Variants in COL25A1 observed in about 807,000 individuals in gnomAD.
The protein encoded by COL25A1 is collagen type XXV alpha 1 chain, also known as collagen alpha-1(XXV) chain.
A neutral mutation model predicts 128.4 loss-of-function variants in COL25A1; 103 were observed. That is an observed-to-expected ratio of 0.80 (90% CI 0.68 to 0.94). The LOEUF is 0.94. Ranked by LOEUF, COL25A1 falls within the 40% of genes least tolerant of loss-of-function variation. The pLI, the probability that COL25A1 is intolerant of heterozygous loss-of-function variation, is 0.00. For synonymous variants in COL25A1, 279 were observed against 277.2 expected (o/e 1.01, Z -0.06); for missense variants, 745 against 840.0 (o/e 0.89, Z 1.40).
At chr4:109,029,153 T>C (rs1421516605) in intron 5 of COL25A1, among the ~76,000 whole-genome samples, 2 of 152,114 alleles carry the variant, frequency 1.3e-5, no homozygotes, top group East Asian at 3.9e-4. Flanking sequence ...ACAAAAGATA[T>C]TATGGCATAA....
intron 5 of COL25A1, among the ~76,000 whole-genome samples, chr4:109,037,686 C>T (rs556128345): frequency 5.3e-5 from 8 of 152,322 alleles, no homozygotes; most frequent in African/African-American, 1.9e-4. Context: ...CAGCTTAGAG[C>T]TGGCCCACGT....
At chr4:108,861,021 G>A (rs775747300) in intron 22 of COL25A1, 50 bp from the exon 23 acceptor site, 2 of 1,500,736 alleles carry the variant, frequency 1.3e-6, no homozygotes, top group Non-Finnish European at 1.9e-6. Flanking sequence ...GGGGAATCTA[G>A]AAATCTCGTG....
At chr4:108,987,837 G>A (rs1048604156) in intron 6 of COL25A1, among the ~76,000 whole-genome samples, 1 of 152,154 alleles carries the variant, frequency 6.6e-6, no homozygotes, top group Non-Finnish European at 1.5e-5. Flanking sequence ...AATCTCTATA[G>A]CAATCATTGA....
intron 3 of COL25A1, among the ~76,000 whole-genome samples, chr4:109,099,679 A>T (rs978745093): frequency 1.3e-5 from 2 of 151,916 alleles, no homozygotes; most frequent in Non-Finnish European, 2.9e-5. Context: ...AGTCTTTTAC[A>T]TATCCCAAAA....
At chr4:108,841,872 C>A in intron 30 of COL25A1, 151 bp from the exon 31 acceptor site, 1 of 656,836 alleles carries the variant, frequency 1.5e-6, no homozygotes, top group South Asian at 2.0e-5. Context: ...TTATTTATTA[C>A]CCACCAAAAG....
rs376676009 is a variant in COL25A1 at position 109,284,756 on chromosome 4, G to A, written c.367+15827C>T. ...TATTCCAACAAATTCTGACAAGGCC[G>A]GATTTAGGTTTTATAAACACAGGTA... On this transcript the variant is annotated intron_variant, in intron 3 of 37. Coordinates refer to ENST00000399132, the MANE Select transcript of COL25A1 (RefSeq NM_198721.4). Among the ~76,000 whole-genome samples, 11 of 151,756 alleles carry A rather than the reference G, an allele frequency of 7.2e-5. 1 individual carries two copies. In the South Asian group the frequency reaches 8.3e-4, roughly 11 times the overall value.
chr4:109,182,947 C>A (rs1487353591), intron 3 of COL25A1, among the ~76,000 whole-genome samples: 2 of 152,086 alleles, frequency 1.3e-5, no homozygotes, highest in Non-Finnish European at 2.9e-5. Context: ...CACACACACA[C>A]ACAAAGAATC....
At chr4:109,049,452 G>T (rs1349581318) in intron 4 of COL25A1, among the ~76,000 whole-genome samples, 1 of 152,050 alleles carries the variant, frequency 6.6e-6, no homozygotes, top group African/African-American at 2.4e-5. Context: ...ATAGGGATTT[G>T]GCCTGAAAGC....
chr4:109,189,148 A>G (rs1445122291), intron 3 of COL25A1, among the ~76,000 whole-genome samples: 3 of 152,156 alleles, frequency 2.0e-5, no homozygotes, highest in African/African-American at 7.2e-5. Context: ...TTTAAATCAT[A>G]CTGGGTACCT....
intron 8 of COL25A1, among the ~76,000 whole-genome samples, chr4:108,943,868 A>C (rs6834193): frequency 0.039 from 5,851 of 151,590 alleles, 345 homozygotes; most frequent in African/African-American, 0.13. Context: ...TAAATAAAAT[A>C]AACAACAACC....
intron 5 of COL25A1, chr4:109,021,714 CA>C (rs1757781040): frequency 2.2e-6 from 1 of 453,016 alleles, no homozygotes; most frequent in African/African-American, 2.0e-5. Flanking sequence ...GAGATATCAC[CA>C]AATTCTTTTC....
At chr4:109,172,916 C>A (rs1304401602) in intron 3 of COL25A1, among the ~76,000 whole-genome samples, 4 of 152,152 alleles carry the variant, frequency 2.6e-5, no homozygotes, top group Non-Finnish European at 4.4e-5. Context: ...AGATGTTATA[C>A]AAATACTACT....
At chr4:109,214,155 C>A (rs1777802181) in intron 3 of COL25A1, among the ~76,000 whole-genome samples, 1 of 152,068 alleles carries the variant, frequency 6.6e-6, no homozygotes, top group East Asian at 1.9e-4. Context: ...ACTTCAGACT[C>A]ATAGGGCCTA....
At chr4:109,029,406 T>G (rs1274531157) in intron 5 of COL25A1, among the ~76,000 whole-genome samples, 2 of 152,166 alleles carry the variant, frequency 1.3e-5, no homozygotes, top group African/African-American at 4.8e-5. Flanking sequence ...TTCACCTCAC[T>G]TCCTCTCACC....
intron 3 of COL25A1, among the ~76,000 whole-genome samples, chr4:109,189,760 T>C (rs1435943076): frequency 6.6e-6 from 1 of 152,126 alleles, no homozygotes; most frequent in Non-Finnish European, 1.5e-5. Flanking sequence ...CAAGCACTTT[T>C]CCTGTATTTA....
In COL25A1 at chr4:109,302,204, C is replaced by A; in HGVS notation, c.-92G>T. On this transcript the variant is annotated 5_prime_UTR_variant, in exon 1 of 38. Transcript: ENST00000399132. Reference sequence around the variant, plus strand: ...CTCAGCGTCCAGACCCGCAGGCGTGCACCATCCCCGCTTTCTTCTCTCCTC... The same window carrying A: ...CTCAGCGTCCAGACCCGCAGGCGTGAACCATCCCCGCTTTCTTCTCTCCTC... The A allele has an allele frequency of 2.9e-6, 2 of 687,506 alleles. No homozygotes were observed. Among genetic ancestry groups the A allele is most frequent in the Admixed American group, 3.3e-5 (1 of 29,992 alleles). 42.6% of individuals were successfully genotyped at this position (687,506 alleles called of 1,614,324 possible). A position where few individuals can be genotyped will look rare whatever the true frequency, so the allele number is the denominator to read the frequency against.
In COL25A1 at chr4:108,863,387, CCT is replaced by C; in HGVS notation, c.1084-2_1084-1del. The C allele has an allele frequency of 6.2e-7, 1 of 1,613,546 alleles. No homozygotes were observed. The highest frequency in any genetic ancestry group is 8.5e-7 in the Non-Finnish European group (1 of 1,179,796). ...GGAGGCCCTGCTTCCCCCCGTTCAC[CCT>C]GTCACAAATTGCAAAACAGGTAAAT... is the stretch of plus-strand genomic sequence containing the variant. On this transcript the variant is annotated splice_acceptor_variant, in intron 20 of 37. Coordinates refer to ENST00000399132, the MANE Select transcript of COL25A1 (RefSeq NM_198721.4). LOFTEE classifies it high-confidence loss of function.
intron 3 of COL25A1, among the ~76,000 whole-genome samples, chr4:109,114,830 C>T (rs1283606722): frequency 6.6e-6 from 1 of 152,056 alleles, no homozygotes; most frequent in African/African-American, 2.4e-5. Context: ...GGTAGTACTA[C>T]ATAATCAGGA....
chr4:109,206,493 T>G (rs1382538726), intron 3 of COL25A1, among the ~76,000 whole-genome samples: 1 of 152,182 alleles, frequency 6.6e-6, no homozygotes, highest in Non-Finnish European at 1.5e-5. Context: ...TTCCAGGGAT[T>G]TGCTGAACAG....
Sources: allele counts gnomAD v4.1 joint callset (sites outside exome capture counted in the v4.1 genomes callset), GRCh38; gene constraint gnomAD v4.1.1; transcripts MANE v1.5; gene names NCBI Gene and HGNC (gene_info 2026-07-23, HGNC 2026-07-21).